Variants in CCDC30 observed in about 807,000 individuals in gnomAD.
CCDC30 encodes coiled-coil domain containing 30.
In CCDC30, 70 loss-of-function variants were observed where a neutral mutation model predicts 100.2. The observed-to-expected ratio is 0.70, with a 90% CI of 0.58 to 0.85. The LOEUF is 0.85. Among genes scored for constraint, CCDC30 ranks in the 40% least tolerant of loss-of-function variants. The pLI is 0.00. For missense variants in CCDC30, 652 were observed against 771.2 expected, an observed-to-expected ratio of 0.85 and a Z score of 1.83; for synonymous variants, 233 against 269.5, an observed-to-expected ratio of 0.86 and a Z score of 1.33.
intron 9 of CCDC30, among the ~76,000 whole-genome samples, chr1:42,582,840 A>G (rs1354917362): frequency 6.6e-6 from 1 of 152,234 alleles, no homozygotes; most frequent in Admixed American, 6.5e-5. Flanking sequence ...AATTCTTCAA[A>G]GAAGTGCTTC....
At chr1:42,558,596 C>T (rs1176399985) in intron 6 of CCDC30, among the ~76,000 whole-genome samples, 1 of 152,096 alleles carries the variant, frequency 6.6e-6, no homozygotes, top group African/African-American at 2.4e-5. Flanking sequence ...CCAGGATCAC[C>T]CATTGATAAG....
chr1:42,612,976 T>C lies in CCDC30; in HGVS notation c.1277+1886T>C, dbSNP rs72959650. Among the ~76,000 whole-genome samples, 303 of 152,308 alleles carry C rather than the reference T, an allele frequency of 2.0e-3. 3 individuals carry two copies. Among genetic ancestry groups the C allele is most frequent in the African/African-American group, 7.0e-3 (292 of 41,560 alleles). ...AAATTTATTTTTATAGAACTATAGA[T>C]CTTAAAATGTATTGACAAACATTCC... On this transcript the variant is annotated intron_variant, in intron 11 of 16. Transcript: ENST00000668663.
chr1:42,600,281 A>G (rs1646378218), intron 10 of CCDC30, among the ~76,000 whole-genome samples: 1 of 152,220 alleles, frequency 6.6e-6, no homozygotes, highest in African/African-American at 2.4e-5. Context: ...TAAAAAAAGA[A>G]TGTCAAAATA....
intron 6 of CCDC30, among the ~76,000 whole-genome samples, chr1:42,548,101 T>C (rs1645180507): frequency 1.3e-5 from 2 of 152,220 alleles, no homozygotes; most frequent in South Asian, 2.1e-4. Flanking sequence ...TATGCTGCTA[T>C]AGCATGGAGT....
At chr1:42,563,464 G>A (rs770676393) in intron 6 of CCDC30, among the ~76,000 whole-genome samples, 23 of 152,194 alleles carry the variant, frequency 1.5e-4, no homozygotes, top group Admixed American at 3.3e-4. Flanking sequence ...TGGGGGTAGG[G>A]GGTGAGGGGA....
At chr1:42,602,267 C>A (rs1222361549) in intron 10 of CCDC30, among the ~76,000 whole-genome samples, 1 of 150,660 alleles carries the variant, frequency 6.6e-6, no homozygotes, top group Non-Finnish European at 1.5e-5. Context: ...AATTATCTAA[C>A]ATGGTGGTGT....
intron 6 of CCDC30, among the ~76,000 whole-genome samples, chr1:42,559,056 G>A (rs1394906805): frequency 6.6e-6 from 1 of 152,156 alleles, no homozygotes; most frequent in East Asian, 1.9e-4. Context: ...CGTCATAAGT[G>A]AAGGAGAAAT....
intron 1 of CCDC30, among the ~76,000 whole-genome samples, chr1:42,465,595 C>A (rs776511873): frequency 3.3e-5 from 5 of 152,134 alleles, no homozygotes; most frequent in African/African-American, 1.2e-4. Context: ...GAACTCCTGA[C>A]CCCAGGTGAT....
At chr1:42,583,796 G>C (rs1646015278) in intron 9 of CCDC30, among the ~76,000 whole-genome samples, 1 of 152,220 alleles carries the variant, frequency 6.6e-6, no homozygotes, top group African/African-American at 2.4e-5. Flanking sequence ...TTATGCTAGA[G>C]CTTGAAGTCT....
At position 42,581,523 on chromosome 1, in the gene CCDC30, A is replaced by C; in HGVS notation, c.1001+9A>C. ...GAAGAACAACAGAAGAGGTAAGAGG[A>C]GCAGAGATCTCAGTTTCCTGTGGGT... On this transcript the variant is annotated intron_variant, in intron 9 of 16. Coordinates refer to ENST00000668663, the Ensembl canonical transcript of CCDC30. 1 of 1,603,856 alleles carries C rather than the reference A, an allele frequency of 6.2e-7. No homozygotes were observed. Among genetic ancestry groups the C allele is most frequent in the Non-Finnish European group, 8.5e-7 (1 of 1,176,866 alleles).
intron 4 of CCDC30, among the ~76,000 whole-genome samples, chr1:42,495,748 T>A (rs1256285948): frequency 6.6e-6 from 1 of 152,078 alleles, no homozygotes; most frequent in Non-Finnish European, 1.5e-5. Flanking sequence ...TGAGGAAAAC[T>A]CCAGGCTCAG....
chr1:42,493,413 C>G (rs1644178007), intron 4 of CCDC30, among the ~76,000 whole-genome samples: 1 of 151,932 alleles, frequency 6.6e-6, no homozygotes, highest in African/African-American at 2.4e-5. Context: ...CATGGTGAAA[C>G]CCCGTGTCTA....
chr1:42,587,591 A>C (rs896995571), intron 9 of CCDC30, among the ~76,000 whole-genome samples: 45 of 152,322 alleles, frequency 3.0e-4, no homozygotes, highest in African/African-American at 1.1e-3. Context: ...TAAGGAGAAG[A>C]ACGAGAGGTG....
At chr1:42,653,579 A>G (rs540569467) in intron 16 of CCDC30, 136 bp downstream of exon 20, 5 of 662,824 alleles carry the variant, frequency 7.5e-6, no homozygotes, top group African/African-American at 5.4e-5. Context: ...TTTTCTCTAC[A>G]TGAATTATTT....
intron 9 of CCDC30, among the ~76,000 whole-genome samples, chr1:42,586,941 A>T (rs953929181): frequency 3.9e-5 from 6 of 152,170 alleles, no homozygotes; most frequent in Non-Finnish European, 8.8e-5. Context: ...CAAACTCTAT[A>T]TCAATTAACT....
At chr1:42,557,619 CAAT>C (rs891977564) in intron 6 of CCDC30, among the ~76,000 whole-genome samples, 181 of 110,928 alleles carry the variant, frequency 1.6e-3, no homozygotes, top group African/African-American at 6.0e-3. Flanking sequence ...AAATTTTAAA[CAAT>C]AAAATATTTA....
intron 6 of CCDC30, among the ~76,000 whole-genome samples, chr1:42,556,908 A>G (rs1645382112): frequency 6.6e-6 from 1 of 152,198 alleles, no homozygotes; most frequent in South Asian, 2.1e-4. Context: ...TAGACAGAGT[A>G]CTTCATTTTA....
intron 10 of CCDC30, among the ~76,000 whole-genome samples, chr1:42,607,003 G>T (rs1286557270): frequency 1.3e-5 from 2 of 152,186 alleles, no homozygotes; most frequent in Non-Finnish European, 2.9e-5. Flanking sequence ...TTATGTTGGT[G>T]CAGGATTACT....
intron 7 of CCDC30, among the ~76,000 whole-genome samples, chr1:42,572,742 G>A (rs932674946): frequency 9.2e-5 from 14 of 152,130 alleles, no homozygotes; most frequent in Non-Finnish European, 1.8e-4. Flanking sequence ...TCGGCCTCCC[G>A]AATAGCTGGG....
Sources: gnomAD v4.1 joint callset for allele counts (sites outside exome capture counted in the v4.1 genomes callset) on GRCh38, gnomAD v4.1.1 for gene constraint, MANE v1.5 for transcripts, NCBI Gene and HGNC (gene_info 2026-07-23, HGNC 2026-07-21) for gene names.